ENPEP: variants seen among roughly 807,000 people sequenced by gnomAD.
ENPEP encodes AP-A.
Under a neutral mutation model 114.5 loss-of-function variants are expected in ENPEP, and 103 were observed. The ratio of observed to expected loss-of-function variants is 0.90; its 90% CI spans 0.77 to 1.06. ENPEP has a LOEUF of 1.06. ENPEP is among the 50% of genes least tolerant of loss of function. The pLI, the probability that ENPEP is intolerant of heterozygous loss-of-function variation, is 0.00. For synonymous variants in ENPEP, 420 were observed against 422.0 expected, an observed-to-expected ratio of 1.00 and a Z score of 0.06; for missense variants, 1,196 against 1,161.3, an observed-to-expected ratio of 1.03 and a Z score of -0.43.
chr4:110,546,262 T>C (rs1560569112), intron 13 of ENPEP, among the ~76,000 whole-genome samples: 2 of 151,998 alleles, frequency 1.3e-5, no homozygotes, highest in East Asian at 3.9e-4. Context: ...CATTGGAGCA[T>C]AGGACTTAGT....
At position 110,539,251 on chromosome 4, in the gene ENPEP, G is replaced by A. The variant is rs865957751; in HGVS notation, c.1808-3500G>A. ...TCTCTAGCGCAATAAAGTAAGGTAT[G>A]CTTGTACACCTTTCTTTACAGGCAG... On this transcript the variant is annotated intron_variant, in intron 11 of 19. Coordinates refer to ENST00000265162, the MANE Select transcript of ENPEP (RefSeq NM_001977.4). Among the ~76,000 whole-genome samples the A allele has an allele frequency of 2.2e-4, 34 of 152,254 alleles. No individual in the cohort carries two copies. The Middle Eastern group carries it at 0.017, about 76-fold the overall frequency.
At chr4:110,495,381 T>G (rs1258567259) in intron 3 of ENPEP, among the ~76,000 whole-genome samples, 2 of 152,310 alleles carry the variant, frequency 1.3e-5, no homozygotes, top group East Asian at 3.9e-4. Flanking sequence ...CCCAGAATGC[T>G]TTCGCTCTGC....
Position 110,549,351 on chromosome 4 carries a change from C to T in ENPEP, c.2157C>T (p.Tyr719=), listed in dbSNP as rs1578418517. The T allele has an allele frequency of 6.2e-7, 1 of 1,612,416 alleles. No individual in the cohort carries two copies. The highest frequency in any genetic ancestry group is 1.1e-5 in the South Asian group (1 of 91,050). ...DKELYPMIEE[Y]FQGQVKPIAD... ...ACATAATACTTTTATTTCAGGAATA[C>T]TTCCAAGGTCAAGTGAAGCCTATTG... Residue 719 remains tyrosine (Y), a synonymous_variant, in exon 15 of 20, where the codon TAC becomes TAT. Coordinates refer to ENST00000265162, the MANE Select transcript of ENPEP (RefSeq NM_001977.4).
Position 110,504,830 on chromosome 4 carries a change from A to G in ENPEP, c.919-1807A>G, listed in dbSNP as rs190265260. Among the ~76,000 whole-genome samples, 299 of 152,326 alleles carry G rather than the reference A, an allele frequency of 2.0e-3. 5 individuals carry two copies. The highest frequency in any genetic ancestry group is 3.4e-3 in the Middle Eastern group (1 of 294). The stretch of plus-strand genomic sequence containing the variant: ...TGGGAAATGAGAAAATATTAGTGGA[A>G]AGAACACATTGAGTCTGTCTCCTTC... On this transcript the variant is annotated intron_variant, in intron 3 of 19. Transcript: ENST00000265162.
At chr4:110,554,870 AAAT>A (rs1341846548) in intron 18 of ENPEP, among the ~76,000 whole-genome samples, 1 of 152,042 alleles carries the variant, frequency 6.6e-6, no homozygotes, top group Non-Finnish European at 1.5e-5. Context: ...ATTTTGCATA[AAAT>A]GGCCATTAAC....
chr4:110,520,379 A>G lies in ENPEP; in HGVS notation c.1727+13A>G. 1 of 1,612,618 alleles carries G rather than the reference A, an allele frequency of 6.2e-7. No individual in the cohort carries two copies. The highest frequency in any genetic ancestry group is 8.5e-7 in the Non-Finnish European group (1 of 1,179,240). ...CTTCAGATCTTGGGTAAGGCTCTATAATGCATTGAAAAAAACACAGAAATT... is the reference window on the plus strand; with the variant it reads ...CTTCAGATCTTGGGTAAGGCTCTATGATGCATTGAAAAAAACACAGAAATT... On this transcript the variant is annotated intron_variant, in intron 10 of 19. Coordinates refer to ENST00000265162, the MANE Select transcript of ENPEP (RefSeq NM_001977.4).
At chr4:110,527,419 C>T (rs913679211) in intron 10 of ENPEP, among the ~76,000 whole-genome samples, 3 of 152,126 alleles carry the variant, frequency 2.0e-5, no homozygotes, top group African/African-American at 7.2e-5. Flanking sequence ...AATTTGACTA[C>T]TTAGACCAAT....
chr4:110,535,393 T>A (rs1477238314), intron 11 of ENPEP, among the ~76,000 whole-genome samples: 1 of 152,212 alleles, frequency 6.6e-6, no homozygotes, highest in African/African-American at 2.4e-5. Flanking sequence ...TGGGCATGTA[T>A]TTTTGTATTT....
At chr4:110,485,891 C>T (rs1000532316) in intron 1 of ENPEP, among the ~76,000 whole-genome samples, 6 of 151,862 alleles carry the variant, frequency 4.0e-5, no homozygotes, top group Admixed American at 1.3e-4. Flanking sequence ...ACATTAGAGA[C>T]ACATTGTGCT....
intron 10 of ENPEP, among the ~76,000 whole-genome samples, chr4:110,521,353 T>A (rs1725981745): frequency 6.6e-6 from 1 of 152,008 alleles, no homozygotes; most frequent in Non-Finnish European, 1.5e-5. Context: ...CACTCCAGCC[T>A]AGGTGACAGA....
At chr4:110,560,797 C>T (rs1329187635) in intron 19 of ENPEP, among the ~76,000 whole-genome samples, 3 of 152,076 alleles carry the variant, frequency 2.0e-5, no homozygotes, top group African/African-American at 7.2e-5. Flanking sequence ...TAATGTTGAA[C>T]AGGTAGAGAT....
intron 1 of ENPEP, among the ~76,000 whole-genome samples, chr4:110,481,280 G>C (rs1200110620): frequency 6.6e-6 from 1 of 151,168 alleles, no homozygotes; most frequent in East Asian, 1.9e-4. Flanking sequence ...AAAGAGATGA[G>C]ATCCAGGCTG....
chr4:110,491,076 A>G lies in ENPEP; in HGVS notation c.830A>G (p.Glu277Gly). ...VDDKWTRTTF[E>G]KSVPMSTYLV... The stretch of plus-strand genomic sequence containing the variant: ...GATAAATGGACTCGAACAACTTTTG[A>G]GAAGTCTGTCCCCATGAGCACGTAC... The change falls in exon 3 of 20, where the codon GAG becomes GGG. Residue 277 changes from glutamate (E) to glycine (G), a missense_variant. Glu to Gly is a moderately conservative substitution (Grantham distance 98). Transcript: ENST00000265162. The G allele has an allele frequency of 6.2e-7, 1 of 1,612,404 alleles. No individual in the cohort carries two copies. Among genetic ancestry groups the G allele is most frequent in the Middle Eastern group, 1.9e-4 (1 of 5,366 alleles).
At chr4:110,511,591 C>A (rs894191277) in intron 6 of ENPEP, among the ~76,000 whole-genome samples, 4 of 152,104 alleles carry the variant, frequency 2.6e-5, no homozygotes, top group African/African-American at 9.7e-5. Flanking sequence ...GCCCTTATAG[C>A]AAACTGTTAT....
At chr4:110,524,041 C>G (rs569671913) in intron 10 of ENPEP, among the ~76,000 whole-genome samples, 20 of 152,006 alleles carry the variant, frequency 1.3e-4, no homozygotes, top group Non-Finnish European at 1.9e-4. Flanking sequence ...TTTAGAGGCA[C>G]AATTACAAAC....
At chr4:110,483,256 T>G (rs1005670894) in intron 1 of ENPEP, among the ~76,000 whole-genome samples, 3 of 152,156 alleles carry the variant, frequency 2.0e-5, no homozygotes, top group African/African-American at 7.2e-5. Flanking sequence ...GCTGCTCCTC[T>G]ATGTAATTCT....
intron 11 of ENPEP, among the ~76,000 whole-genome samples, chr4:110,533,827 T>C (rs1343965314): frequency 6.6e-6 from 1 of 152,336 alleles, no homozygotes; most frequent in South Asian, 2.1e-4. Flanking sequence ...ATGGAGCTTA[T>C]TTGTTATTGT....
At chr4:110,548,138 A>ATT in intron 13 of ENPEP, 38 bp from the exon 14 acceptor site, 1 of 1,102,974 alleles carries the variant, frequency 9.1e-7, no homozygotes, top group Non-Finnish European at 1.1e-6. Flanking sequence ...ATTAACTGTG[A>ATT]GTTTTTTTTT....
At chr4:110,557,703 G>T (rs1727527085) in intron 18 of ENPEP, among the ~76,000 whole-genome samples, 1 of 152,162 alleles carries the variant, frequency 6.6e-6, no homozygotes, top group Non-Finnish European at 1.5e-5. Context: ...CACTTTTAGG[G>T]GCAGCATTAC....
Sources: allele counts gnomAD v4.1 joint callset (sites outside exome capture counted in the v4.1 genomes callset), GRCh38; gene constraint gnomAD v4.1.1; transcripts MANE v1.5; gene names NCBI Gene and HGNC (gene_info 2026-07-23, HGNC 2026-07-21).